Variants in OXCT1 observed in about 807,000 individuals in gnomAD.
OXCT1 encodes the protein succinyl-CoA:3-ketoacid coenzyme A transferase 1, mitochondrial.
In OXCT1, 27 loss-of-function variants were observed where a neutral mutation model predicts 69.6. That is an observed-to-expected ratio of 0.39 (90% confidence interval 0.29 to 0.54). The LOEUF (loss-of-function observed/expected upper bound fraction) is 0.54, where lower values mean the gene tolerates loss of function less well. Among genes scored for constraint, OXCT1 ranks in the 20% least tolerant of loss-of-function variants. The pLI, the probability that OXCT1 is intolerant of heterozygous loss-of-function variation, is 0.72. For missense variants in OXCT1, 437 were observed against 650.2 expected, an observed-to-expected ratio of 0.67 and a Z score of 3.57; for synonymous variants, 202 against 217.8, an observed-to-expected ratio of 0.93 and a Z score of 0.64.
intron 13 of OXCT1, among the ~76,000 whole-genome samples, chr5:41,764,927 A>G (rs1191670586): frequency 1.3e-5 from 2 of 152,160 alleles, no homozygotes; most frequent in Non-Finnish European, 2.9e-5. Context: ...AGGTCACAGG[A>G]AAACCTTCAA....
At chr5:41,806,401 T>C (rs904904811) in intron 8 of OXCT1, among the ~76,000 whole-genome samples, 8 of 152,052 alleles carry the variant, frequency 5.3e-5, no homozygotes, top group East Asian at 1.9e-4. Flanking sequence ...AGGGTGGCCA[T>C]TGTCTACTCT....
In OXCT1 at chr5:41,798,152, C is replaced by A. The variant is rs572478521; in HGVS notation, c.1099+2870G>T. Among the ~76,000 whole-genome samples, 11 of 152,102 alleles carry A rather than the reference C, an allele frequency of 7.2e-5. No homozygotes were observed. In the East Asian group the frequency reaches 2.1e-3, roughly 29 times the overall value. On this transcript the variant is annotated intron_variant, in intron 11 of 16. Coordinates refer to ENST00000196371, the MANE Select transcript of OXCT1 (RefSeq NM_000436.4). ...AATCTCATGAAAGACACACCAAGAGCAAAGACATGCAAAGAAGAGTATGAG... is the reference window on the plus strand; with the variant it reads ...AATCTCATGAAAGACACACCAAGAGAAAAGACATGCAAAGAAGAGTATGAG...
At chr5:41,847,713 G>A (rs909180745) in intron 5 of OXCT1, among the ~76,000 whole-genome samples, 14 of 152,044 alleles carry the variant, frequency 9.2e-5, no homozygotes, top group South Asian at 6.2e-4. Flanking sequence ...AGAAAAGACC[G>A]TGACAAAATT....
intron 5 of OXCT1, among the ~76,000 whole-genome samples, chr5:41,843,963 T>C (rs1423804364): frequency 1.3e-5 from 2 of 152,232 alleles, no homozygotes; most frequent in Admixed American, 6.5e-5. Context: ...AAAGTTATTT[T>C]GGAACGGCTT....
At chr5:41,755,922 A>C (rs1744045185) in intron 14 of OXCT1, among the ~76,000 whole-genome samples, 1 of 152,124 alleles carries the variant, frequency 6.6e-6, no homozygotes, top group African/African-American at 2.4e-5. Context: ...AACAATTATA[A>C]ATATGTTCTG....
At chr5:41,841,293 T>C (rs936243815) in intron 6 of OXCT1, among the ~76,000 whole-genome samples, 1 of 152,184 alleles carries the variant, frequency 6.6e-6, no homozygotes, top group Admixed American at 6.5e-5. Flanking sequence ...ATATTTCTTT[T>C]GCTCAGATTG....
intron 16 of OXCT1, among the ~76,000 whole-genome samples, chr5:41,736,507 T>C (rs1015357434): frequency 6.6e-6 from 1 of 152,242 alleles, no homozygotes; most frequent in African/African-American, 2.4e-5. Context: ...GTCTTAGTAA[T>C]TCTTTTTTTT....
rs188291737 is a variant in OXCT1, at chr5:41,776,554, C to T, written c.1249-14354G>A. ...GTAACTCTTTAAGCCTGTTGCTAAA[C>T]GGCTTTGCAAAATCTGACTCAGAAA... On this transcript the variant is annotated intron_variant, in intron 13 of 16. Transcript: ENST00000196371. Among the ~76,000 whole-genome samples the T allele has an allele frequency of 3.9e-3, 601 of 152,284 alleles. 3 individuals carry two copies. Among genetic ancestry groups the T allele is most frequent in the African/African-American group, 0.014 (566 of 41,570 alleles).
At chr5:41,758,532 G>A (rs1435781921) in intron 14 of OXCT1, among the ~76,000 whole-genome samples, 1 of 151,700 alleles carries the variant, frequency 6.6e-6, no homozygotes, top group African/African-American at 2.4e-5. Flanking sequence ...TCTATCTATG[G>A]ATACAAGTGG....
At chr5:41,853,777 T>C in intron 3 of OXCT1, 7 of 623,224 alleles carry the variant, frequency 1.1e-5, no homozygotes, top group South Asian at 1.1e-4. Flanking sequence ...AGTTATTTTT[T>C]TGTGGGAGCG....
chr5:41,748,143 T>A (rs1484155095), intron 15 of OXCT1, among the ~76,000 whole-genome samples: 1 of 152,102 alleles, frequency 6.6e-6, no homozygotes, highest in Non-Finnish European at 1.5e-5. Context: ...AAATGAACAG[T>A]GGACCACTAT....
intron 5 of OXCT1, among the ~76,000 whole-genome samples, chr5:41,843,098 T>C (rs1356303866): frequency 6.6e-6 from 1 of 152,208 alleles, no homozygotes; most frequent in African/African-American, 2.4e-5. Flanking sequence ...AGGTTGTATA[T>C]TGAATGTGAA....
At chr5:41,783,538 G>A (rs1014534382) in intron 13 of OXCT1, among the ~76,000 whole-genome samples, 2 of 152,252 alleles carry the variant, frequency 1.3e-5, no homozygotes, top group East Asian at 3.9e-4. Flanking sequence ...AGAGCCTGCT[G>A]CAGTCATACA....
At chr5:41,808,074 T>C (rs1401031562) in intron 7 of OXCT1, among the ~76,000 whole-genome samples, 3 of 152,060 alleles carry the variant, frequency 2.0e-5, no homozygotes, top group African/African-American at 4.8e-5. Context: ...ATCAAAGTCA[T>C]TCACCAAGAA....
intron 16 of OXCT1, among the ~76,000 whole-genome samples, chr5:41,732,914 A>G (rs1742706885): frequency 6.6e-6 from 1 of 152,216 alleles, no homozygotes; most frequent in Admixed American, 6.5e-5. Flanking sequence ...TCAAGAGTTA[A>G]TGTCTTGTCT....
chr5:41,830,309 G>T (rs1748034897), intron 7 of OXCT1, among the ~76,000 whole-genome samples: 1 of 152,242 alleles, frequency 6.6e-6, no homozygotes, highest in East Asian at 1.9e-4. Context: ...TGGAAGGAAG[G>T]TATTTCTTTT....
At chr5:41,806,394 G>T (rs528901455) in intron 8 of OXCT1, among the ~76,000 whole-genome samples, 1 of 152,118 alleles carries the variant, frequency 6.6e-6, no homozygotes, top group East Asian at 1.9e-4. Context: ...TTCTGGTAGG[G>T]TGGCCATTGT....
intron 13 of OXCT1, among the ~76,000 whole-genome samples, chr5:41,771,745 G>A (rs1744879622): frequency 6.6e-6 from 1 of 152,174 alleles, no homozygotes; most frequent in African/African-American, 2.4e-5. Flanking sequence ...ATATAGCTAA[G>A]CACTGGAGCT....
intron 16 of OXCT1, among the ~76,000 whole-genome samples, chr5:41,737,711 C>A (rs766599541): frequency 4.6e-5 from 7 of 152,072 alleles, no homozygotes; most frequent in Non-Finnish European, 1.0e-4. Context: ...GGTAGAGTAC[C>A]AGGAACAGTT....
Sources: allele counts gnomAD v4.1 joint callset (sites outside exome capture counted in the v4.1 genomes callset), GRCh38; gene constraint gnomAD v4.1.1; transcripts MANE v1.5; gene names NCBI Gene and HGNC (gene_info 2026-07-23, HGNC 2026-07-21).